INTS13: variants seen among roughly 807,000 people sequenced by gnomAD.
INTS13 encodes integrator complex subunit 13.
In INTS13, 35 loss-of-function variants were observed where a neutral mutation model predicts 90.2. The observed-to-expected ratio is 0.39, with a 90% CI of 0.30 to 0.51. The LOEUF (loss-of-function observed/expected upper bound fraction) is 0.51. INTS13 is among the 20% of genes least tolerant of loss of function. The pLI is 0.80. For missense variants in INTS13, 601 were observed against 851.2 expected, an observed-to-expected ratio of 0.71 and a Z score of 3.66; for synonymous variants, 309 against 277.1, an observed-to-expected ratio of 1.11 and a Z score of -1.14.
chr12:26,913,826 T>C, intron 13 of INTS13, 139 bp from the exon 14 acceptor site: 3 of 1,102,808 alleles, frequency 2.7e-6, no homozygotes, highest in Non-Finnish European at 3.9e-6. Context: ...CTACAATATA[T>C]CCATTTCTAT....
At chr12:26,935,007 G>A (rs1938387350) in intron 2 of INTS13, among the ~76,000 whole-genome samples, 1 of 152,236 alleles carries the variant, frequency 6.6e-6, no homozygotes, top group African/African-American at 2.4e-5. Context: ...CTCCATAGAA[G>A]TGGCAACTGA....
At position 26,928,710 on chromosome 12, in the gene INTS13, C is replaced by G. The variant is rs768547102; in HGVS notation, c.496G>C (p.Ala166Pro). 12 of 1,613,200 alleles carry G rather than the reference C, an allele frequency of 7.4e-6. No homozygotes were observed. In the Admixed American group the frequency reaches 2.0e-4, roughly 27 times the overall value. Residue 166 changes from alanine to proline, a missense_variant, in exon 4 of 17, where the codon GCA (alanine) becomes CCA (proline). Transcript: ENST00000261191. ...NRGRIICITN[A>P]KSDSHVRMLE... ...CTATAATCAACACCTCACCTTTTTG[C>G]ATTAGTAATACAGATTATTCGTCCT...
chr12:26,920,521 C>A (rs1952082870), intron 8 of INTS13, among the ~76,000 whole-genome samples: 1 of 151,892 alleles, frequency 6.6e-6, no homozygotes, highest in African/African-American at 2.4e-5. Flanking sequence ...GCCTCAGCAT[C>A]CCGAGTAGCT....
intron 8 of INTS13, 43 bp downstream of exon 8, chr12:26,922,573 A>C: frequency 6.9e-7 from 1 of 1,443,170 alleles, no homozygotes; most frequent in Non-Finnish European, 9.5e-7. Context: ...ATATGCTTTC[A>C]TATGTTAGAT....
chr12:26,931,280 G>A (rs975432429), intron 3 of INTS13, among the ~76,000 whole-genome samples: 3 of 151,492 alleles, frequency 2.0e-5, no homozygotes, highest in African/African-American at 7.3e-5. Flanking sequence ...CCATCTCTAC[G>A]AAAAATACAA....
rs1020741731 is a variant in INTS13, at chr12:26,925,780, G to T, written c.656C>A (p.Ser219Tyr). The change falls in exon 6 of 17, where the codon TCT becomes TAT. Residue 219 changes from serine to tyrosine, a missense_variant. Around this residue, in one of 3 missense-constraint regions of INTS13, gnomAD observed 284 missense variants for 387.7 expected, o/e 0.73. Coordinates refer to ENST00000261191, the MANE Select transcript of INTS13 (RefSeq NM_018164.3). ...TYPVGEDSLV[S>Y]DRSKKELSPV... ...ACTCACCTCTTTTTTAGAACGATCAGATACAAGGCTGTCTTCACCAACTGG... is the reference window on the plus strand; with the variant it reads ...ACTCACCTCTTTTTTAGAACGATCATATACAAGGCTGTCTTCACCAACTGG... 1.2e-6 allele frequency: 2 copies of T among 1,611,170 alleles called. No homozygotes were observed. The highest frequency in any genetic ancestry group is 3.3e-5 in the Admixed American group (2 of 59,870).
Position 26,924,409 on chromosome 12 carries a change from TA to T in INTS13, c.749del (p.Leu250Ter). 1.2e-6 allele frequency: 2 copies of T among 1,613,480 alleles called. No individual in the cohort carries two copies. The highest frequency in any genetic ancestry group is 1.7e-6 in the Non-Finnish European group (2 of 1,179,554). On this transcript the variant is annotated frameshift_variant, in exon 7 of 17. Coordinates refer to ENST00000261191, the MANE Select transcript of INTS13 (RefSeq NM_018164.3). LOFTEE classifies it high-confidence loss of function. Reference sequence around the variant, plus strand: ...AAGCCAAGTCAAAATGTTGCTGTACTAAAATATTCAATTTGGTAGCAAGATG... The same window carrying T: ...AAGCCAAGTCAAAATGTTGCTGTACTAAATATTCAATTTGGTAGCAAGATG... ...GRHLATKLNI[L>X]VQQHFDLAST...
At chr12:26,930,333 C>G (rs1010713860) in intron 3 of INTS13, among the ~76,000 whole-genome samples, 1 of 152,022 alleles carries the variant, frequency 6.6e-6, no homozygotes, top group African/African-American at 2.4e-5. Context: ...CCCAGACTGG[C>G]CAAAACAATC....
At chr12:26,934,800 C>T (rs708159) in intron 2 of INTS13, among the ~76,000 whole-genome samples, 170 bp from the exon 3 acceptor site, 126,556 of 152,266 alleles carry the variant, frequency 0.83, 52,987 homozygotes, top group East Asian at 1. Flanking sequence ...GCACTGAGTA[C>T]ATGGGAATAG....
At chr12:26,911,960 T>G (rs1027594543) in intron 14 of INTS13, among the ~76,000 whole-genome samples, 1 of 152,216 alleles carries the variant, frequency 6.6e-6, no homozygotes, top group Non-Finnish European at 1.5e-5. Flanking sequence ...CTATTATTAA[T>G]GGATACAATT....
intron 8 of INTS13, among the ~76,000 whole-genome samples, chr12:26,921,647 C>G (rs368668196): frequency 6.6e-6 from 1 of 152,156 alleles, no homozygotes; most frequent in South Asian, 2.1e-4. Context: ...TGGTCAACTG[C>G]AGCCCCAAGA....
At chr12:26,921,963 C>T (rs1952131427) in intron 8 of INTS13, among the ~76,000 whole-genome samples, 1 of 152,132 alleles carries the variant, frequency 6.6e-6, no homozygotes, top group Admixed American at 6.5e-5. Flanking sequence ...GCCTGCAGCC[C>T]AAAAACATTA....
chr12:26,922,527 T>A, intron 8 of INTS13, 89 bp downstream of exon 8: 1 of 945,606 alleles, frequency 1.1e-6, no homozygotes, highest in Non-Finnish European at 1.6e-6. Context: ...CTGGGGGTCT[T>A]GGAATGTCTT....
chr12:26,924,508 T>C (rs763239441), intron 6 of INTS13, 25 bp from the exon 7 acceptor site: 1 of 1,581,250 alleles, frequency 6.3e-7, no homozygotes, highest in Non-Finnish European at 8.6e-7. Flanking sequence ...ACAAGAAAAA[T>C]AATCCACAAA....
intron 15 of INTS13, among the ~76,000 whole-genome samples, chr12:26,908,954 C>T (rs1024255059): frequency 2.6e-5 from 4 of 152,180 alleles, no homozygotes; most frequent in African/African-American, 9.7e-5. Flanking sequence ...CAAGCTAGTA[C>T]ATATGTGTAT....
At chr12:26,928,576 A>G in intron 4 of INTS13, 127 bp downstream of exon 4, 1 of 949,836 alleles carries the variant, frequency 1.1e-6, no homozygotes, top group African/African-American at 1.7e-5. Flanking sequence ...AAAGAAAAAA[A>G]TCAGAAAGGC....
intron 3 of INTS13, among the ~76,000 whole-genome samples, chr12:26,932,895 A>G (rs1376503590): frequency 6.6e-6 from 1 of 152,242 alleles, no homozygotes; most frequent in Non-Finnish European, 1.5e-5. Flanking sequence ...TAGATTTTCT[A>G]ATCTGCCATT....
At chr12:26,923,989 A>G (rs1262118442) in intron 7 of INTS13, among the ~76,000 whole-genome samples, 4 of 152,194 alleles carry the variant, frequency 2.6e-5, no homozygotes, top group African/African-American at 9.7e-5. Context: ...TTCTTATTAG[A>G]AAACAAAAAT....
upstream of INTS13, chr12:26,938,084 G>A (rs1257154350): frequency 6.6e-6 from 1 of 152,650 alleles, no homozygotes; most frequent in Non-Finnish European, 1.5e-5. Context: ...CGTAGGGCCA[G>A]GCGTCCCAGT....
Sources: gnomAD v4.1 joint callset for allele counts (sites outside exome capture counted in the v4.1 genomes callset) on GRCh38, gnomAD v4.1.1 for gene constraint, gnomAD v4.1.1 regional missense constraint, MANE v1.5 for transcripts, NCBI Gene and HGNC (gene_info 2026-07-23, HGNC 2026-07-21) for gene names.